The following DPY19L3 variants were observed in gnomAD, a reference collection of about 807,000 sequenced individuals.
DPY19L3 encodes dpy-19 like C-mannosyltransferase 3, also known as protein C-mannosyl-transferase DPY19L3.
Under a neutral mutation model 92.3 loss-of-function variants are expected in DPY19L3, and 51 were observed. The ratio of observed to expected loss-of-function variants is 0.55; its 90% CI spans 0.44 to 0.70. DPY19L3 has a LOEUF of 0.70. DPY19L3 is among the 30% of genes least tolerant of loss of function. The probability of loss-of-function intolerance (pLI) is 0.00; values close to 1 mark genes in which losing one functional copy is unlikely to be tolerated. For missense variants in DPY19L3, 706 were observed against 855.9 expected, an observed-to-expected ratio of 0.82 and a Z score of 2.18; for synonymous variants, 309 against 315.2, an observed-to-expected ratio of 0.98 and a Z score of 0.21.
chr19:32,422,137 G>A (rs2868084), intron 3 of DPY19L3, among the ~76,000 whole-genome samples: 134,936 of 152,224 alleles, frequency 0.89, 60,075 homozygotes, highest in African/African-American at 0.97. Flanking sequence ...AAGATTGTCC[G>A]GTGATACTGC....
chr19:32,444,983 C>T (rs1181266554), intron 8 of DPY19L3, among the ~76,000 whole-genome samples: 1 of 148,988 alleles, frequency 6.7e-6, no homozygotes, highest in African/African-American at 2.5e-5. Context: ...GTCTCAGATA[C>T]TTGGGAGGCT....
At chr19:32,418,392 A>G (rs578066052) in intron 3 of DPY19L3, among the ~76,000 whole-genome samples, 5 of 152,368 alleles carry the variant, frequency 3.3e-5, no homozygotes, top group African/African-American at 1.2e-4. Context: ...CAATAGGACT[A>G]TAATGAAGGA....
chr19:32,446,092 T>C (rs941733875), intron 8 of DPY19L3, among the ~76,000 whole-genome samples: 2 of 152,148 alleles, frequency 1.3e-5, no homozygotes, highest in African/African-American at 4.8e-5. Context: ...TTTAACAATA[T>C]AAATGGGAAG....
chr19:32,409,110 C>G (rs1343565207), intron 2 of DPY19L3, among the ~76,000 whole-genome samples: 3 of 152,214 alleles, frequency 2.0e-5, no homozygotes, highest in Non-Finnish European at 4.4e-5. Flanking sequence ...GGTCATGACA[C>G]CTGGCTCAGC....
chr19:32,458,629 G>C, intron 12 of DPY19L3, 120 bp downstream of exon 12: 2 of 1,034,916 alleles, frequency 1.9e-6, no homozygotes, highest in South Asian at 3.1e-5. Context: ...TCTTAAAGGG[G>C]GAACATACCT....
At chr19:32,460,623 A>G (rs1970008273) in intron 12 of DPY19L3, among the ~76,000 whole-genome samples, 1 of 152,184 alleles carries the variant, frequency 6.6e-6, no homozygotes, top group Non-Finnish European at 1.5e-5. Context: ...TGATTGTGCT[A>G]TGACCTTATA....
chr19:32,432,698 G>A lies in DPY19L3; in HGVS notation c.238-18G>A. ...AAAACTAGGTCACATAAACCCATAG[G>A]ATCTAACTCTGTTTTAGGAAGTGGA... On this transcript the variant is annotated intron_variant, in intron 3 of 18. Transcript: ENST00000392250. The A allele has an allele frequency of 6.2e-7, 1 of 1,610,104 alleles. No individual in the cohort carries two copies. Among genetic ancestry groups the A allele is most frequent in the Non-Finnish European group, 8.5e-7 (1 of 1,176,892 alleles).
Position 32,458,178 on chromosome 19 carries a change from A to C in DPY19L3, c.1163+5A>C. ...ATTTGGGCTTGGAGCAACAAGGTAT[A>C]ACTGAATTGAAAGTCTATGTTTGCT... On this transcript the variant is annotated splice_donor_5th_base_variant and intron_variant, in intron 11 of 18. Coordinates refer to ENST00000392250, the MANE Select transcript of DPY19L3 (RefSeq NM_001172774.2). The C allele has an allele frequency of 6.2e-7, 1 of 1,611,914 alleles. No individual in the cohort carries two copies. The highest frequency in any genetic ancestry group is 8.5e-7 in the Non-Finnish European group (1 of 1,178,846).
At chr19:32,471,034 T>G (rs947746945) in intron 16 of DPY19L3, among the ~76,000 whole-genome samples, 2 of 152,192 alleles carry the variant, frequency 1.3e-5, no homozygotes, top group Admixed American at 1.3e-4. Context: ...CACACTGGCC[T>G]GTAGGTGTGG....
At position 32,482,288 on chromosome 19, in the gene DPY19L3, A is replaced by G. The variant is rs772148863; in HGVS notation, c.*48A>G. 6.3e-7 allele frequency: 1 copy of G among 1,584,848 alleles called. No individual in the cohort carries two copies. The highest frequency in any genetic ancestry group is 1.2e-5 in the South Asian group (1 of 86,146). On this transcript the variant is annotated 3_prime_UTR_variant, in exon 19 of 19. Transcript: ENST00000392250. ...ATTTTTGATACGGAGAAACTGCATC[A>G]TGATGAAACTCAATAGATGACGTTT...
chr19:32,473,665 G>A (rs953568972), intron 16 of DPY19L3, among the ~76,000 whole-genome samples: 1 of 152,208 alleles, frequency 6.6e-6, no homozygotes, highest in Non-Finnish European at 1.5e-5. Context: ...CGGGTAGAGT[G>A]AAGTATTGGA....
chr19:32,431,783 G>A (rs1487270879), intron 3 of DPY19L3, among the ~76,000 whole-genome samples: 1 of 152,176 alleles, frequency 6.6e-6, no homozygotes, highest in Non-Finnish European at 1.5e-5. Context: ...CCAGTGGACA[G>A]TCTATGGTTA....
At chr19:32,455,241 T>C (rs1401397511) in intron 10 of DPY19L3, among the ~76,000 whole-genome samples, 5 of 152,170 alleles carry the variant, frequency 3.3e-5, no homozygotes, top group Admixed American at 3.3e-4. Flanking sequence ...ACTACAAGTG[T>C]GCACCACCAC....
chr19:32,430,120 G>A (rs572348044), intron 3 of DPY19L3, among the ~76,000 whole-genome samples: 1 of 152,282 alleles, frequency 6.6e-6, no homozygotes, highest in Non-Finnish European at 1.5e-5. Context: ...CAGGCACTGT[G>A]GCTTCTGTCT....
chr19:32,454,906 T>C, intron 9 of DPY19L3, 33 bp from the exon 10 acceptor site: 1 of 1,370,062 alleles, frequency 7.3e-7, no homozygotes, highest in Non-Finnish European at 1.0e-6. Context: ...TATTAAAACT[T>C]AAGAATTAAA....
chr19:32,412,717 G>A (rs1362379459), intron 3 of DPY19L3: 1 of 152,134 alleles, frequency 6.6e-6, no homozygotes, highest in Non-Finnish European at 1.5e-5. Context: ...ATCACTTGAA[G>A]TCAGGAGTTC....
At chr19:32,408,092 A>G in intron 1 of DPY19L3, 125 bp from the exon 2 acceptor site, 6 of 561,284 alleles carry the variant, frequency 1.1e-5, no homozygotes, top group South Asian at 2.3e-5. Flanking sequence ...TGGGGGGAAG[A>G]AAAAAAAAGG....
chr19:32,445,821 C>T (rs1344217852), intron 8 of DPY19L3, among the ~76,000 whole-genome samples: 2 of 151,906 alleles, frequency 1.3e-5, no homozygotes, highest in Non-Finnish European at 2.9e-5. Flanking sequence ...GCCAACATGG[C>T]GAAACCCCAT....
At chr19:32,431,898 AC>A (rs1199637170) in intron 3 of DPY19L3, among the ~76,000 whole-genome samples, 1 of 152,228 alleles carries the variant, frequency 6.6e-6, no homozygotes, top group Non-Finnish European at 1.5e-5. Context: ...AAAAAATATG[AC>A]ATACCATCAA....
Sources: gnomAD v4.1 joint callset for allele counts (sites outside exome capture counted in the v4.1 genomes callset) on GRCh38, gnomAD v4.1.1 for gene constraint, MANE v1.5 for transcripts, NCBI Gene and HGNC (gene_info 2026-07-23, HGNC 2026-07-21) for gene names.